Variants in OPA3 observed in about 807,000 individuals in gnomAD.
OPA3 encodes the protein outer mitochondrial membrane lipid metabolism regulator OPA3, also known as optic atrophy 3 protein.
Under a neutral mutation model 4.0 loss-of-function variants are expected in OPA3, and 6 were observed. The observed-to-expected ratio is 1.51, with a 90% CI of 0.83 to 2.99. The LOEUF (loss-of-function observed/expected upper bound fraction) is 2.99. OPA3 is among the 30% of genes most tolerant of loss of function. The probability of loss-of-function intolerance (pLI) is 0.00; values close to 1 mark genes in which losing one functional copy is unlikely to be tolerated. For synonymous variants in OPA3, 105 were observed against 117.1 expected, an observed-to-expected ratio of 0.90 and a Z score of 0.67; for missense variants, 235 against 256.2, an observed-to-expected ratio of 0.92 and a Z score of 0.56.
chr19:45,571,196 T>C lies in OPA3; in HGVS notation c.142+13427A>G, dbSNP rs1969661263. 2.6e-5 allele frequency among the ~76,000 whole-genome samples: 4 copies of C among 152,002 alleles called. No homozygotes were observed. The South Asian group carries it at 8.3e-4, about 32-fold the overall frequency. ...TCTTGCTCTGTCGCCCAGGCTGGAG[T>C]GCAATGGTGCGATCTTGGCACACCG... is the stretch of plus-strand genomic sequence containing the variant. On this transcript the variant is annotated intron_variant, in intron 1 of 1. Coordinates refer to ENST00000263275, the MANE Select transcript of OPA3 (RefSeq NM_025136.4).
intron 1 of OPA3, among the ~76,000 whole-genome samples, chr19:45,536,152 C>G (rs1454063150): frequency 2.0e-5 from 3 of 150,290 alleles, no homozygotes; most frequent in Non-Finnish European, 3.0e-5. Context: ...TTGCATGAAC[C>G]CAGGAGGTGG....
chr19:45,531,140 C>T (rs1969057343), intron 1 of OPA3, among the ~76,000 whole-genome samples: 1 of 151,494 alleles, frequency 6.6e-6, no homozygotes, highest in African/African-American at 2.4e-5. Flanking sequence ...TTGTGCAATG[C>T]TTTGTGCTGC....
chr19:45,567,343 A>C (rs1969598306), intron 1 of OPA3, among the ~76,000 whole-genome samples: 2 of 148,956 alleles, frequency 1.3e-5, no homozygotes, highest in Admixed American at 6.7e-5. Flanking sequence ...CTGTGTCAAA[A>C]AAAAAAAAAA....
At chr19:45,572,250 T>C (rs991606678) in intron 1 of OPA3, among the ~76,000 whole-genome samples, 2 of 139,840 alleles carry the variant, frequency 1.4e-5, no homozygotes, top group Admixed American at 1.5e-4. Flanking sequence ...ATATATCTCA[T>C]ATAAATAAAA....
chr19:45,567,428 T>A (rs1162353506), intron 1 of OPA3, among the ~76,000 whole-genome samples: 1 of 151,360 alleles, frequency 6.6e-6, no homozygotes, highest in African/African-American at 2.4e-5. Flanking sequence ...GAACAAAAGC[T>A]AAACATAAAT....
chr19:45,545,476 A>G (rs981845676), downstream of OPA3, among the ~76,000 whole-genome samples: 1 of 151,896 alleles, frequency 6.6e-6, no homozygotes, highest in East Asian at 1.9e-4. Flanking sequence ...GGCTGCAGTG[A>G]GCCGTGATTG....
intron 1 of OPA3, among the ~76,000 whole-genome samples, chr19:45,580,460 A>AT (rs1299368610): frequency 8.8e-5 from 13 of 148,410 alleles, no homozygotes; most frequent in East Asian, 2.0e-4. Flanking sequence ...CGTCTGGCTA[A>AT]TTTTGTATTT....
chr19:45,579,999 T>C (rs917308916), intron 1 of OPA3, among the ~76,000 whole-genome samples: 2 of 102,062 alleles, frequency 2.0e-5, no homozygotes, highest in Non-Finnish European at 3.4e-5. Flanking sequence ...CTTTTTTTTT[T>C]TCTTTTTTTT....
At chr19:45,567,234 G>C (rs1969595775) in intron 1 of OPA3, among the ~76,000 whole-genome samples, 1 of 151,760 alleles carries the variant, frequency 6.6e-6, no homozygotes, top group East Asian at 1.9e-4. Context: ...CAGCTACTCA[G>C]GAGGCTGAGG....
At position 45,558,735 on chromosome 19, in the gene OPA3, A is replaced by AT. The variant is rs929644329; in HGVS notation, c.143-4825dup. 1.0e-4 allele frequency among the ~76,000 whole-genome samples: 14 copies of AT among 139,362 alleles called. No homozygotes were observed. The East Asian group carries it at 1.5e-3, about 14-fold the overall frequency. The allele number at this position is 139,362 out of a possible 152,430, so 91.4% of individuals were successfully genotyped here. On this transcript the variant is annotated intron_variant, in intron 1 of 1. Coordinates refer to ENST00000263275, the MANE Select transcript of OPA3 (RefSeq NM_025136.4). ...CTATGTTCTGCTGTTTTTTTTTTTT[A>AT]TTTTTTTTAGACGGAGTCTCGCTTT...
downstream of OPA3, among the ~76,000 whole-genome samples, chr19:45,542,446 G>A (rs1374141269): frequency 6.6e-6 from 1 of 152,192 alleles, no homozygotes; most frequent in African/African-American, 2.4e-5. Flanking sequence ...ATGTGGTAGA[G>A]CTTTCTGCTC....
chr19:45,543,560 G>A (rs1288300660), downstream of OPA3, among the ~76,000 whole-genome samples: 1 of 151,952 alleles, frequency 6.6e-6, no homozygotes, highest in Non-Finnish European at 1.5e-5. Flanking sequence ...CAAGTGATCT[G>A]CCCACCTTGG....
At chr19:45,563,390 C>T (rs1156951086) in intron 1 of OPA3, among the ~76,000 whole-genome samples, 1 of 151,618 alleles carries the variant, frequency 6.6e-6, no homozygotes, top group Non-Finnish European at 1.5e-5. Flanking sequence ...GATCTCCTGA[C>T]CTTGTGATCC....
At chr19:45,582,809 C>T (rs931196268) in intron 1 of OPA3, among the ~76,000 whole-genome samples, 5 of 152,126 alleles carry the variant, frequency 3.3e-5, no homozygotes, top group African/African-American at 1.2e-4. Flanking sequence ...TTGTACCCTC[C>T]AGCTGCATGA....
At chr19:45,536,628 TA>T (rs368221464) in intron 1 of OPA3, among the ~76,000 whole-genome samples, 3 of 151,400 alleles carry the variant, frequency 2.0e-5, no homozygotes, top group Admixed American at 6.6e-5. Context: ...GACCTTACAC[TA>T]CCAGATATAA....
At chr19:45,572,175 T>A (rs1461835945) in intron 1 of OPA3, among the ~76,000 whole-genome samples, 2 of 140,840 alleles carry the variant, frequency 1.4e-5, no homozygotes, top group Non-Finnish European at 3.0e-5. Flanking sequence ...TCCATGTTGG[T>A]CAGGTTGGTC....
chr19:45,535,335 G>C lies in OPA3; in HGVS notation c.143-5879C>G, dbSNP rs117254087. ...TGATGATAGGAATAAACTGATTTCCGTACCTTATATGCAGTGATCTTGATA... is the reference window on the plus strand; with the variant it reads ...TGATGATAGGAATAAACTGATTTCCCTACCTTATATGCAGTGATCTTGATA... On this transcript the variant is annotated intron_variant, in intron 1 of 1. Coordinates refer to the OPA3 transcript ENST00000323060. 4.3e-3 allele frequency among the ~76,000 whole-genome samples: 644 copies of C among 148,950 alleles called. 2 individuals are homozygous for C. Among genetic ancestry groups the C allele is most frequent in the Middle Eastern group, 0.01 (3 of 286 alleles).
At chr19:45,544,692 G>A (rs570259209), downstream of OPA3, among the ~76,000 whole-genome samples, 13 of 152,244 alleles carry the variant, frequency 8.5e-5, no homozygotes, top group African/African-American at 3.1e-4. Flanking sequence ...TACTCAGGAG[G>A]CTGAGGCAGG....
chr19:45,542,099 G>A (rs1461845552), downstream of OPA3, among the ~76,000 whole-genome samples: 1 of 152,160 alleles, frequency 6.6e-6, no homozygotes, highest in Non-Finnish European at 1.5e-5. Context: ...GTGTGGTCAG[G>A]GCACCGAGTT....
Sources: gnomAD v4.1 joint callset for allele counts (sites outside exome capture counted in the v4.1 genomes callset) on GRCh38, gnomAD v4.1.1 for gene constraint, MANE v1.5 for transcripts, NCBI Gene and HGNC (gene_info 2026-07-23, HGNC 2026-07-21) for gene names.